The following IGSF8 variants were observed in gnomAD, a reference collection of about 807,000 sequenced individuals.
IGSF8 encodes CD81 partner 3.
IGSF8 carries 46 observed loss-of-function variants against 55.5 expected under a neutral mutation model. The observed-to-expected ratio is 0.83, with a 90% CI of 0.65 to 1.06. The LOEUF is 1.06. IGSF8 is among the 50% of genes least tolerant of loss of function. The pLI is 0.00. For missense variants in IGSF8, 731 were observed against 832.3 expected (o/e 0.88, Z 1.50); for synonymous variants, 314 against 356.1 (o/e 0.88, Z 1.33).
At chr1:160,099,255 G>A (rs1417315487), upstream of IGSF8, among the ~76,000 whole-genome samples, 4 of 152,074 alleles carry the variant, frequency 2.6e-5, no homozygotes, top group African/African-American at 9.7e-5. Context: ...AGGGTCCCTG[G>A]GATTGGCGAG....
upstream of IGSF8, chr1:160,098,636 T>A (rs1188212194): frequency 1.8e-6 from 1 of 546,188 alleles, no homozygotes; most frequent in Non-Finnish European, 3.2e-6. Context: ...CCTCCGCCCC[T>A]CCCGCTGCTT....
rs1650296738 is a variant in IGSF8 at position 160,094,796 on chromosome 1, G to A, written c.442+73C>T. On this transcript the variant is annotated intron_variant, in intron 2 of 6. Transcript: ENST00000314485. The surrounding 1 kb of genome is among the most constrained non-coding windows in gnomAD (Gnocchi z 4.0). ...GGCTACAAAACCTAAGGGGCAACTAGATAGGTCACTTGTGGCCTTGACTTT... is the reference window on the plus strand; with the variant it reads ...GGCTACAAAACCTAAGGGGCAACTAAATAGGTCACTTGTGGCCTTGACTTT... 6.7e-7 allele frequency: 1 copy of A among 1,500,102 alleles called. No individual in the cohort carries two copies. Among genetic ancestry groups the A allele is most frequent in the Middle Eastern group, 1.9e-4 (1 of 5,368 alleles). The allele number at this position is 1,500,102 out of a possible 1,614,324, so 92.9% of individuals were successfully genotyped here.
In IGSF8 at chr1:160,093,080, A is replaced by G; in HGVS notation, c.1156T>C (p.Ser386Pro). 1 of 1,614,114 alleles carries G rather than the reference A, an allele frequency of 6.2e-7. No homozygotes were observed. Among genetic ancestry groups the G allele is most frequent in the Non-Finnish European group, 8.5e-7 (1 of 1,179,952 alleles). ...GRHIAMEKVA[S>P]RTYRLRLEAA... is the part of the protein sequence containing the mutation. ...TCTAGCCGTAGCCGGTATGTTCTGG[A>G]TGCCACCTTCTCCATGGCAATGTGT... Residue 386 changes from serine to proline, a missense_variant, in exon 4 of 7, where the codon TCC (serine) becomes CCC (proline). Transcript: ENST00000314485.
chr1:160,094,029 G>A lies in IGSF8; in HGVS notation c.585C>T (p.His195=). ...GCCCAAAGGACACTGCCAGGTGTGT[G>A]TGCTTCTGTGTGCTTGTCCTCGCCA... ...GCLARTSTQK[H]THLAVSFGRS... is the part of the protein sequence containing the mutation. The change falls in exon 3 of 7, where the codon CAC becomes CAT. Residue 195 remains histidine (H), a synonymous_variant. Coordinates refer to ENST00000314485, the MANE Select transcript of IGSF8 (RefSeq NM_052868.6). The surrounding 1 kb of genome is among the most constrained non-coding windows in gnomAD (Gnocchi z 4.0). The A allele has an allele frequency of 6.2e-7, 1 of 1,614,126 alleles. No homozygotes were observed.
Position 160,094,504 on chromosome 1 carries a change from T to C in IGSF8, c.443-333A>G, listed in dbSNP as rs1158241690. Reference sequence around the variant, plus strand: ...GAGTGAGAATGTCACATGGTCTAACTCCTTCCCTAACTCTACTCTCTTTCC... The same window carrying C: ...GAGTGAGAATGTCACATGGTCTAACCCCTTCCCTAACTCTACTCTCTTTCC... On this transcript the variant is annotated intron_variant, in intron 2 of 6. Transcript: ENST00000314485. The surrounding 1 kb of genome is among the most constrained non-coding windows in gnomAD (Gnocchi z 4.0). Among the ~76,000 whole-genome samples, 3 of 152,156 alleles carry C rather than the reference T, an allele frequency of 2.0e-5. No individual in the cohort carries two copies. Among genetic ancestry groups the C allele is most frequent in the African/African-American group, 7.2e-5 (3 of 41,406 alleles).
chr1:160,093,596 A>C, intron 3 of IGSF8, 114 bp downstream of exon 3: 1 of 910,168 alleles, frequency 1.1e-6, no homozygotes, highest in Non-Finnish European at 1.6e-6. Flanking sequence ...CACTCTGTGG[A>C]AGATGAGTTC....
In IGSF8 at chr1:160,093,725, C is replaced by T. The variant is rs1473395103; in HGVS notation, c.889G>A (p.Asp297Asn). The change falls in exon 3 of 7, where the codon GAT (aspartate) becomes AAT (asparagine). Residue 297 changes from aspartate (D) to asparagine (N), a missense_variant. Transcript: ENST00000314485. ...TGGCACTTACACAGCGTCTGCACAT[C>T]CACGTGGGCCAGGACGGCCCTTTTC... ...AEKRAVLAHV[D>N]VQTLSSQLAV... The T allele has an allele frequency of 4.4e-6, 7 of 1,606,560 alleles. No individual in the cohort carries two copies. In the African/African-American group the frequency reaches 9.4e-5, roughly 21 times the overall value.
chr1:160,093,346 G>A lies in IGSF8; in HGVS notation c.905-15C>T. ...CAGCTGGCTGGCTGAAACACAGGTAGGGGAAGAGGTGTCATGGAGGCAGGA... is the reference window on the plus strand; with the variant it reads ...CAGCTGGCTGGCTGAAACACAGGTAAGGGAAGAGGTGTCATGGAGGCAGGA... On this transcript the variant is annotated splice_polypyrimidine_tract_variant and intron_variant, in intron 3 of 6. Transcript: ENST00000314485. The A allele has an allele frequency of 1.3e-6, 2 of 1,568,476 alleles. No individual in the cohort carries two copies. The highest frequency in any genetic ancestry group is 1.3e-5 in the African/African-American group (1 of 74,232).
chr1:160,092,856 G>T, intron 4 of IGSF8, 68 bp downstream of exon 4: 1 of 1,523,800 alleles, frequency 6.6e-7, no homozygotes, highest in Non-Finnish European at 8.9e-7. Context: ...AGAGGGAGGG[G>T]TCATGGAAAC....
intron 1 of IGSF8, among the ~76,000 whole-genome samples, chr1:160,096,532 C>G (rs1476873347): frequency 2.0e-5 from 3 of 152,200 alleles, no homozygotes; most frequent in Non-Finnish European, 4.4e-5. Context: ...TGGTCAAACT[C>G]TACCCTCCAG....
In IGSF8 at chr1:160,094,915, A is replaced by G; in HGVS notation, c.396T>C (p.Thr132=). Residue 132 remains threonine, a synonymous_variant, in exon 2 of 7, where the codon ACT becomes ACC. Coordinates refer to ENST00000314485, the MANE Select transcript of IGSF8 (RefSeq NM_052868.6). The surrounding 1 kb of genome is among the most constrained non-coding windows in gnomAD (Gnocchi z 4.0). ...AGIYECHTPS[T]DTRYLGSYSG... ...TGTAGCTGCCCAGGTAGCGGGTATCAGTGGAGGGGGTGTGGCACTCATAAA... is the reference window on the plus strand; with the variant it reads ...TGTAGCTGCCCAGGTAGCGGGTATCGGTGGAGGGGGTGTGGCACTCATAAA... 1 of 1,613,918 alleles carries G rather than the reference A, an allele frequency of 6.2e-7. No homozygotes were observed. The highest frequency in any genetic ancestry group is 8.5e-7 in the Non-Finnish European group (1 of 1,179,960).
rs761405117 is a variant in IGSF8 at position 160,092,476 on chromosome 1, C to T, written c.1532G>A (p.Arg511Gln). The T allele has an allele frequency of 3.1e-6, 5 of 1,613,150 alleles. No homozygotes were observed. The highest frequency in any genetic ancestry group is 1.7e-5 in the Admixed American group (1 of 59,908). Reference protein sequence around the residue: ...GQDGVAELGVRPGGGPVSVEL... With the variant: ...GQDGVAELGVQPGGGPVSVEL... ...TACGCTGACAGGGCCTCCTCCAGGCCGGACTCCCAGCTCTGCCACACCATC... is the reference window on the plus strand; with the variant it reads ...TACGCTGACAGGGCCTCCTCCAGGCTGGACTCCCAGCTCTGCCACACCATC... Residue 511 changes from arginine to glutamine, a missense_variant, in exon 5 of 7, where the codon CGG becomes CAG. Transcript: ENST00000314485.
Position 160,095,173 on chromosome 1 carries a change from G to A in IGSF8, c.138C>T (p.Ser46=). 6.2e-7 allele frequency: 1 copy of A among 1,612,314 alleles called. No individual in the cohort carries two copies. ...CATAGCCGGTCACATTGCAGGAGAT[G>A]GAGACAGCTGTGCCAGCCACGCGGT... is the stretch of plus-strand genomic sequence containing the variant. ...PLYRVAGTAV[S]ISCNVTGYEG... The change falls in exon 2 of 7, where the codon TCC becomes TCT. Residue 46 remains serine, a synonymous_variant. Coordinates refer to ENST00000314485, the MANE Select transcript of IGSF8 (RefSeq NM_052868.6).
chr1:160,091,917 G>A lies in IGSF8; in HGVS notation c.1748C>T (p.Pro583Leu). ...GGCCACCCCTGTACCCACCAGCAGAGGCACAAATAGGGTGTCCAGGGCTGG... is the reference window on the plus strand; with the variant it reads ...GGCCACCCCTGTACCCACCAGCAGAAGCACAAATAGGGTGTCCAGGGCTGG... ...YMHALDTLFV[P>L]LLVGTGVALV... Residue 583 changes from proline to leucine, a missense_variant, in exon 6 of 7, where the codon CCT (proline) becomes CTT (leucine). Coordinates refer to ENST00000314485, the MANE Select transcript of IGSF8 (RefSeq NM_052868.6). 1 of 1,613,038 alleles carries A rather than the reference G, an allele frequency of 6.2e-7. No homozygotes were observed.
chr1:160,093,404 C>T, intron 3 of IGSF8, 73 bp from the exon 4 acceptor site: 2 of 1,435,078 alleles, frequency 1.4e-6, no homozygotes, highest in South Asian at 2.7e-5. Flanking sequence ...CCCCAACTTC[C>T]TGTTTCCTAC....
chr1:160,099,039 C>T (rs74558457), upstream of IGSF8: 4,200 of 145,704 alleles, frequency 0.029, 236 homozygotes, highest in African/African-American at 0.1. Flanking sequence ...AAGCCGCACC[C>T]CTTCCCCGTC....
chr1:160,091,989 A>T, intron 5 of IGSF8, 51 bp from the exon 6 acceptor site: 1 of 1,269,562 alleles, frequency 7.9e-7, no homozygotes, highest in Non-Finnish European at 1.2e-6. Flanking sequence ...TCCTCCACCC[A>T]TACACTTGCC....
intron 1 of IGSF8, among the ~76,000 whole-genome samples, chr1:160,096,303 G>C (rs554239184): frequency 6.6e-6 from 1 of 152,126 alleles, no homozygotes; most frequent in Non-Finnish European, 1.5e-5. Flanking sequence ...AGATGAGAAA[G>C]GTAAGGCAGG....
upstream of IGSF8, chr1:160,098,640 G>A: frequency 1.8e-6 from 1 of 549,430 alleles, no homozygotes; most frequent in Non-Finnish European, 3.2e-6. Context: ...CGCCCCTCCC[G>A]CTGCTTTCCC....
Sources: allele counts gnomAD v4.1 joint callset (sites outside exome capture counted in the v4.1 genomes callset), GRCh38; gene constraint gnomAD v4.1.1; non-coding constraint Gnocchi (gnomAD v3.1); transcripts MANE v1.5; gene names NCBI Gene and HGNC (gene_info 2026-07-23, HGNC 2026-07-21).